The following COG2 variants were observed in gnomAD, a reference collection of about 807,000 sequenced individuals.
COG2 encodes conserved oligomeric Golgi complex subunit 2.
In COG2, 52 loss-of-function variants were observed where a neutral mutation model predicts 90.6. The observed-to-expected ratio is 0.57, with a 90% CI of 0.46 to 0.72. The LOEUF (loss-of-function observed/expected upper bound fraction) is 0.72, where lower values mean the gene tolerates loss of function less well. Among genes scored for constraint, COG2 ranks in the 30% least tolerant of loss-of-function variants. The probability of loss-of-function intolerance (pLI) is 0.00; values close to 1 mark genes in which losing one functional copy is unlikely to be tolerated. For synonymous variants in COG2, 337 were observed against 320.4 expected (o/e 1.05, Z -0.55); for missense variants, 829 against 891.2 (o/e 0.93, Z 0.89).
chr1:230,659,585 A>G lies in COG2; in HGVS notation c.194A>G (p.Asn65Ser), dbSNP rs773024983. The change falls in exon 2 of 18, where the codon AAC (asparagine) becomes AGC (serine). Residue 65 changes from asparagine (N) to serine (S), a missense_variant. Coordinates refer to ENST00000366669, the MANE Select transcript of COG2 (RefSeq NM_007357.3). ...AAAACAGCCATGGTCGAACTCATCA[A>G]CAAGGATTATGCAGATTTTGTCAAT... The part of the protein sequence containing the change: ...LLKTAMVELI[N>S]KDYADFVNLS... 6 of 1,613,958 alleles carry G rather than the reference A, an allele frequency of 3.7e-6. No individual in the cohort carries two copies. Among genetic ancestry groups the G allele is most frequent in the Non-Finnish European group, 5.1e-6 (6 of 1,179,984 alleles).
intron 1 of COG2, among the ~76,000 whole-genome samples, chr1:230,645,564 T>C (rs942051298): frequency 6.6e-6 from 1 of 152,198 alleles, no homozygotes; most frequent in Non-Finnish European, 1.5e-5. Context: ...TTTTGACACT[T>C]TTGGAAGACA....
rs770430750 is a variant in COG2 at position 230,669,359 on chromosome 1, A to T, written c.598A>T (p.Ile200Leu). 44 of 1,611,794 alleles carry T rather than the reference A, an allele frequency of 2.7e-5. No homozygotes were observed. The highest frequency in any genetic ancestry group is 3.5e-5 in the Non-Finnish European group (41 of 1,178,510). ...MPLLDKVRPR[I>L]AGITAMLQQS... ...ATTTACCCACCTTTTCTTGCAGCGTATAGCTGGCATTACAGCCATGTTACA... is the reference window on the plus strand; with the variant it reads ...ATTTACCCACCTTTTCTTGCAGCGTTTAGCTGGCATTACAGCCATGTTACA... The change falls in exon 7 of 18, where the codon ATA becomes TTA. Residue 200 changes from isoleucine to leucine, a missense_variant. Ile to Leu is a conservative substitution (Grantham distance 5). Coordinates refer to ENST00000366669, the MANE Select transcript of COG2 (RefSeq NM_007357.3).
intron 9 of COG2, chr1:230,678,637 G>A (rs1280111038): frequency 1.5e-6 from 2 of 1,372,050 alleles, no homozygotes; most frequent in South Asian, 2.5e-5. Flanking sequence ...CCTAGAACAT[G>A]AGCACTGCCA....
In COG2 at chr1:230,642,550, G is replaced by A. The variant is rs1192764150; in HGVS notation, c.-57G>A. ...GGCCGCGGCCGCCGAGTCGGTCTGC[G>A]CAGCCTCCTGCGTTTTCTCGCTTGG... On this transcript the variant is annotated 5_prime_UTR_variant, in exon 1 of 18. Transcript: ENST00000366669. 3.2e-6 allele frequency: 5 copies of A among 1,554,908 alleles called. No individual in the cohort carries two copies. The highest frequency in any genetic ancestry group is 1.4e-5 in the African/African-American group (1 of 73,762).
chr1:230,667,952 A>T (rs1272123124), intron 5 of COG2, among the ~76,000 whole-genome samples: 2 of 152,152 alleles, frequency 1.3e-5, no homozygotes, highest in Non-Finnish European at 2.9e-5. Context: ...TGCATTTATT[A>T]TATTTTGTGC....
At chr1:230,659,668 C>A (rs1571947335) in intron 2 of COG2, 43 bp downstream of exon 2, 1 of 1,575,400 alleles carries the variant, frequency 6.3e-7, no homozygotes, top group African/African-American at 1.4e-5. Context: ...CATACAATTT[C>A]TTTCTCACTC....
intron 1 of COG2, 48 bp downstream of exon 1, chr1:230,642,726 G>C: frequency 1.3e-6 from 2 of 1,570,314 alleles, no homozygotes; most frequent in Non-Finnish European, 1.7e-6. Context: ...GGGTGCCTCT[G>C]CCCTGTGCCC....
chr1:230,678,051 C>T, intron 9 of COG2: 1 of 985,410 alleles, frequency 1.0e-6, no homozygotes, highest in African/African-American at 1.7e-5. Flanking sequence ...TTTCTAAGCA[C>T]AGACTTTAGC....
At chr1:230,677,107 A>G (rs1662618117) in intron 9 of COG2, among the ~76,000 whole-genome samples, 1 of 152,026 alleles carries the variant, frequency 6.6e-6, no homozygotes, top group Non-Finnish European at 1.5e-5. Flanking sequence ...TTCCTCTATC[A>G]TCTCCATCTA....
intron 9 of COG2, chr1:230,678,041 T>G: frequency 1.0e-6 from 1 of 985,438 alleles, no homozygotes; most frequent in Non-Finnish European, 1.2e-6. Flanking sequence ...TGTAAGATCC[T>G]TTCTAAGCAC....
chr1:230,652,732 T>C (rs1661943656), intron 1 of COG2, among the ~76,000 whole-genome samples: 2 of 152,226 alleles, frequency 1.3e-5, no homozygotes, highest in African/African-American at 4.8e-5. Context: ...TTAGTCATTC[T>C]CTTCATTGGT....
intron 17 of COG2, among the ~76,000 whole-genome samples, chr1:230,692,169 G>A (rs1179713273): frequency 6.6e-6 from 1 of 151,878 alleles, no homozygotes; most frequent in African/African-American, 2.4e-5. Context: ...ATGATACTGT[G>A]AGGACAGTAT....
intron 1 of COG2, among the ~76,000 whole-genome samples, chr1:230,644,834 A>G (rs773248949): frequency 6.6e-6 from 1 of 152,192 alleles, no homozygotes. Context: ...TGTATGTTGC[A>G]GTTGGAACTG....
In COG2 at chr1:230,669,045, T is replaced by C. The variant is rs2102757507; in HGVS notation, c.594+261T>C. On this transcript the variant is annotated intron_variant, in intron 6 of 17. Coordinates refer to ENST00000366669, the MANE Select transcript of COG2 (RefSeq NM_007357.3). The stretch of plus-strand genomic sequence containing the variant: ...TGGACATCTTATATGATGTAGACAA[T>C]TAATTTATCCAAAGCCCTTAATTGG... 4 of 452,804 alleles carry C rather than the reference T, an allele frequency of 8.8e-6. No homozygotes were observed. The South Asian group carries it at 2.2e-4, about 24-fold the overall frequency. The allele number at this position is 452,804 out of a possible 1,614,324, so 28.0% of individuals were successfully genotyped here.
intron 1 of COG2, among the ~76,000 whole-genome samples, chr1:230,648,756 A>G (rs1475567997): frequency 6.6e-6 from 1 of 152,248 alleles, no homozygotes; most frequent in Non-Finnish European, 1.5e-5. Context: ...TACAGCATTT[A>G]ACATCAAATT....
rs552209403 is a variant in COG2 at position 230,678,940 on chromosome 1, A to C, written c.1054A>C (p.Arg352=). The change falls in exon 10 of 18, where the codon AGA becomes CGA. Residue 352 remains arginine (R), a synonymous_variant. Coordinates refer to ENST00000366669, the MANE Select transcript of COG2 (RefSeq NM_007357.3). The part of the protein sequence containing the change: ...EKYTISMDFV[R]RLERQCGSQA... Reference sequence around the variant, plus strand: ...ATATACCATAAGTATGGATTTTGTCAGAAGATTGGAACGGCAGTGTGGATC... The same window carrying C: ...ATATACCATAAGTATGGATTTTGTCCGAAGATTGGAACGGCAGTGTGGATC... 5 of 1,612,894 alleles carry C rather than the reference A, an allele frequency of 3.1e-6. No individual in the cohort carries two copies. In the East Asian group the frequency reaches 8.9e-5, roughly 29 times the overall value.
At chr1:230,643,818 T>A (rs986251976) in intron 1 of COG2, among the ~76,000 whole-genome samples, 17 of 152,188 alleles carry the variant, frequency 1.1e-4, no homozygotes, top group African/African-American at 3.9e-4. Context: ...TCTCAAAGAA[T>A]GTACAGAATC....
intron 1 of COG2, among the ~76,000 whole-genome samples, chr1:230,643,328 T>C (rs1661675346): frequency 6.6e-6 from 1 of 152,234 alleles, no homozygotes; most frequent in African/African-American, 2.4e-5. Context: ...ATGATAAAGT[T>C]CATCAGGCAC....
In COG2 at chr1:230,666,823, A is replaced by C. The variant is rs180849984; in HGVS notation, c.486-1853A>C. On this transcript the variant is annotated intron_variant, in intron 5 of 17. Transcript: ENST00000366669. ...GTTTAAAAATACTGTGCTAAGTGGA[A>C]AAAAAGCAGGTTATAAAACGATATG... Among the ~76,000 whole-genome samples, 135 of 152,348 alleles carry C rather than the reference A, an allele frequency of 8.9e-4. 2 individuals are homozygous for C. Among genetic ancestry groups the C allele is most frequent in the African/African-American group, 3.1e-3 (129 of 41,586 alleles).
Sources: gnomAD v4.1 joint callset for allele counts (sites outside exome capture counted in the v4.1 genomes callset) on GRCh38, gnomAD v4.1.1 for gene constraint, MANE v1.5 for transcripts, NCBI Gene and HGNC (gene_info 2026-07-23, HGNC 2026-07-21) for gene names.